The following PATJ variants were observed in gnomAD, a reference collection of about 807,000 sequenced individuals.
The protein encoded by PATJ is PATJ crumbs cell polarity complex component, also known as inaD-like protein.
Under a neutral mutation model 224.9 loss-of-function variants are expected in PATJ, and 190 were observed. The observed-to-expected ratio is 0.84, with a 90% CI of 0.75 to 0.95. The LOEUF is 0.95. Among genes scored for constraint, PATJ ranks in the 40% least tolerant of loss-of-function variants. The probability of loss-of-function intolerance (pLI) is 0.00; values close to 1 mark genes in which losing one functional copy is unlikely to be tolerated. For missense variants in PATJ, 2,121 were observed against 2,270.3 expected (o/e 0.93, Z 1.34); for synonymous variants, 769 against 820.3 (o/e 0.94, Z 1.07).
chr1:61,952,773 TTTA>T (rs1201516517), intron 27 of PATJ, among the ~76,000 whole-genome samples: 2 of 152,210 alleles, frequency 1.3e-5, no homozygotes, highest in Non-Finnish European at 2.9e-5. Context: ...CTCCAGGACA[TTTA>T]TTATCATTAT....
intron 1 of PATJ, among the ~76,000 whole-genome samples, chr1:61,752,488 A>AT (rs1210166948): frequency 4.6e-5 from 7 of 151,526 alleles, no homozygotes; most frequent in Non-Finnish European, 8.8e-5. Flanking sequence ...TAATTCTTGT[A>AT]TTTTCAGTAG....
chr1:61,893,485 GTTT>G (rs66571879), intron 22 of PATJ, among the ~76,000 whole-genome samples: 8,568 of 139,236 alleles, frequency 0.062, 299 homozygotes, highest in African/African-American at 0.088. Flanking sequence ...ATTTTAGGGT[GTTT>G]TTTTTTTTTT....
chr1:61,990,037 C>A, intron 27 of PATJ, 131 bp from the exon 28 acceptor site: 1 of 684,152 alleles, frequency 1.5e-6, no homozygotes, highest in Non-Finnish European at 2.4e-6. Context: ...CGCAATATAG[C>A]AAGACTCTGT....
chr1:61,884,293 G>A lies in PATJ; in HGVS notation c.3016G>A (p.Ala1006Thr). The A allele has an allele frequency of 6.2e-7, 1 of 1,613,574 alleles. No homozygotes were observed. The highest frequency in any genetic ancestry group is 1.1e-5 in the South Asian group (1 of 90,986). ...PSLLIDLPVV[A>T]QRREQEDLPL... ...CTTGCTCATTGACCTTCCTGTTGTGGCTCAAAGGAGGGAGCAAGAAGATTT... is the reference window on the plus strand; with the variant it reads ...CTTGCTCATTGACCTTCCTGTTGTGACTCAAAGGAGGGAGCAAGAAGATTT... The change falls in exon 22 of 44, where the codon GCT becomes ACT. Residue 1006 changes from alanine (A) to threonine (T), a missense_variant. Physicochemically the swap from Ala to Thr is moderately conservative, Grantham distance 58 (BLOSUM62 0). Transcript: ENST00000642238.
chr1:62,154,507 A>G (rs912701228), intron 43 of PATJ, among the ~76,000 whole-genome samples: 1 of 152,064 alleles, frequency 6.6e-6, no homozygotes, highest in African/African-American at 2.4e-5. Context: ...TAAAAAACAC[A>G]AAAATTAGCC....
intron 30 of PATJ, among the ~76,000 whole-genome samples, chr1:62,044,403 G>A (rs1302072970): frequency 6.6e-6 from 1 of 152,130 alleles, no homozygotes; most frequent in Non-Finnish European, 1.5e-5. Context: ...TTTGAACAAT[G>A]AAACAATCTG....
chr1:62,079,235 G>A (rs1345075964), intron 31 of PATJ, among the ~76,000 whole-genome samples: 1 of 151,952 alleles, frequency 6.6e-6, no homozygotes, highest in Non-Finnish European at 1.5e-5. Context: ...TCCTTGATCT[G>A]CCCTTCATCA....
At chr1:62,079,711 T>G in intron 32 of PATJ, 144 bp downstream of exon 32, 1 of 652,888 alleles carries the variant, frequency 1.5e-6, no homozygotes, top group Non-Finnish European at 2.8e-6. Context: ...GGGGCTTGGA[T>G]AGGTCACTTC....
intron 41 of PATJ, among the ~76,000 whole-genome samples, chr1:62,130,181 A>T (rs147650821): frequency 6.6e-6 from 1 of 151,968 alleles, no homozygotes; most frequent in East Asian, 1.9e-4. Context: ...AAAAAGTTAA[A>T]AAGTTAGCCC....
intron 33 of PATJ, among the ~76,000 whole-genome samples, chr1:62,098,358 C>CAAAAAAAAAA (rs57285107): frequency 8.1e-6 from 1 of 123,452 alleles, no homozygotes; most frequent in Non-Finnish European, 1.7e-5. Context: ...GACTCCATCT[C>CAAAAAAAAAA]AAAAAAAAAA....
intron 22 of PATJ, among the ~76,000 whole-genome samples, chr1:61,885,006 T>C (rs1319091210): frequency 6.6e-6 from 1 of 152,086 alleles, no homozygotes; most frequent in African/African-American, 2.4e-5. Context: ...CATGGGTAAT[T>C]GGGAGCAAGA....
chr1:62,073,415 G>T, intron 31 of PATJ: 1 of 673,218 alleles, frequency 1.5e-6, no homozygotes. Flanking sequence ...TTGAGGTCAG[G>T]AGTTCCAGAC....
intron 29 of PATJ, among the ~76,000 whole-genome samples, chr1:62,030,843 CAA>C (rs1649120247): frequency 1.3e-5 from 2 of 152,248 alleles, no homozygotes; most frequent in South Asian, 4.1e-4. Flanking sequence ...TCGTGTTTAT[CAA>C]AAGTTTGTTC....
chr1:61,821,002 A>G (rs1485948783), intron 14 of PATJ, among the ~76,000 whole-genome samples: 4 of 152,108 alleles, frequency 2.6e-5, no homozygotes, highest in South Asian at 2.1e-4. Flanking sequence ...AGCAGTGAGG[A>G]AGAAAGAAAG....
At position 61,858,652 on chromosome 1, in the gene PATJ, T is replaced by G. The variant is rs527761407; in HGVS notation, c.2322+2413T>G. On this transcript the variant is annotated intron_variant, in intron 18 of 43. Coordinates refer to ENST00000642238, the MANE Select transcript of PATJ (RefSeq NM_001350145.3). ...CACCAAGCCATGAGGGATCCACCCC[T>G]GTCACCCAAACATCTCCCACCAGGC... Among the ~76,000 whole-genome samples, 4 of 152,252 alleles carry G rather than the reference T, an allele frequency of 2.6e-5. No homozygotes were observed. The South Asian group carries it at 8.3e-4, about 32-fold the overall frequency.
intron 39 of PATJ, among the ~76,000 whole-genome samples, chr1:62,125,410 C>T (rs1368935236): frequency 6.6e-6 from 1 of 152,038 alleles, no homozygotes; most frequent in Non-Finnish European, 1.5e-5. Context: ...ATGTCTTTAG[C>T]ATAGCACCTA....
intron 31 of PATJ, among the ~76,000 whole-genome samples, chr1:62,078,276 T>TATGTA (rs1658662592): frequency 6.6e-6 from 1 of 152,284 alleles, no homozygotes; most frequent in South Asian, 2.1e-4. Flanking sequence ...TTAGTGTATG[T>TATGTA]ATGTATGTAT....
At position 61,969,881 on chromosome 1, in the gene PATJ, A is replaced by ATGGG. The variant is rs1287780680; in HGVS notation, c.3671-20286_3671-20283dup. Among the ~76,000 whole-genome samples the ATGGG allele has an allele frequency of 2.0e-5, 3 of 152,060 alleles. No homozygotes were observed. The South Asian group carries it at 6.3e-4, about 32-fold the overall frequency. Reference sequence around the variant, plus strand: ...GCTAATTTTGGTATTTTTAGTAGAGATGGGGTTTCACCATGTTGGCCGGAC... The same window carrying ATGGG: ...GCTAATTTTGGTATTTTTAGTAGAGATGGGTGGGGTTTCACCATGTTGGCCGGAC... On this transcript the variant is annotated intron_variant, in intron 27 of 43. Coordinates refer to ENST00000642238, the MANE Select transcript of PATJ (RefSeq NM_001350145.3).
At chr1:62,138,328 G>A (rs1253030574) in intron 41 of PATJ, among the ~76,000 whole-genome samples, 1 of 152,046 alleles carries the variant, frequency 6.6e-6, no homozygotes, top group Non-Finnish European at 1.5e-5. Flanking sequence ...GTTTGTTTGA[G>A]ACAGAGTCTC....
Sources: allele counts gnomAD v4.1 joint callset (sites outside exome capture counted in the v4.1 genomes callset), GRCh38; gene constraint gnomAD v4.1.1; transcripts MANE v1.5; gene names NCBI Gene and HGNC (gene_info 2026-07-23, HGNC 2026-07-21).